Variants in SLC29A4 observed in about 807,000 individuals in gnomAD.
The protein encoded by SLC29A4 is equilibrative nucleoside transporter 4.
A neutral mutation model predicts 43.9 loss-of-function variants in SLC29A4; 36 were observed. That is an observed-to-expected ratio of 0.82 (90% CI 0.63 to 1.08). The LOEUF is 1.08. Ranked by LOEUF, SLC29A4 falls within the 50% of genes least tolerant of loss-of-function variation. The pLI, the probability that SLC29A4 is intolerant of heterozygous loss-of-function variation, is 0.00. For missense variants in SLC29A4, 869 were observed against 755.3 expected, an observed-to-expected ratio of 1.15 and a Z score of -1.77; for synonymous variants, 491 against 338.0, an observed-to-expected ratio of 1.45 and a Z score of -4.97.
chr7:5,300,934 C>A (rs1297353368), intron 10 of SLC29A4, among the ~76,000 whole-genome samples: 1 of 152,186 alleles, frequency 6.6e-6, no homozygotes, highest in Non-Finnish European at 1.5e-5. Flanking sequence ...AAACGGCGCT[C>A]CCCGTGCTGT....
In SLC29A4 at chr7:5,296,980, C is replaced by T. The variant is rs760410021; in HGVS notation, c.664C>T (p.Leu222=). The T allele has an allele frequency of 6.9e-6, 11 of 1,602,002 alleles. No homozygotes were observed. Among genetic ancestry groups the T allele is most frequent in the African/African-American group, 1.3e-5 (1 of 74,764 alleles). ...MISLSRILTK[L]LLPDERASTL... The stretch of plus-strand genomic sequence containing the variant: ...CTCTCTGAGCCGCATCCTCACGAAG[C>T]TGCTGCTGCCCGACGAGCGCGCCAG... The change falls in exon 7 of 11, where the codon CTG becomes TTG. Residue 222 remains leucine (L), a synonymous_variant. Transcript: ENST00000396872.
At chr7:5,284,594 G>C (rs982692063) in intron 1 of SLC29A4, among the ~76,000 whole-genome samples, 4 of 152,246 alleles carry the variant, frequency 2.6e-5, no homozygotes, top group African/African-American at 4.8e-5. Context: ...TTTAACTAAG[G>C]GGGGACAGGG....
intron 1 of SLC29A4, among the ~76,000 whole-genome samples, chr7:5,283,534 A>G (rs1000014827): frequency 9.2e-5 from 14 of 152,108 alleles, no homozygotes; most frequent in African/African-American, 2.9e-4. Flanking sequence ...CCGCGAGCCA[A>G]CTTTGCGGCT....
chr7:5,298,917 C>T (rs1248074363), intron 7 of SLC29A4, 71 bp from the exon 8 acceptor site: 3 of 1,541,690 alleles, frequency 1.9e-6, no homozygotes, highest in Admixed American at 1.8e-5. Context: ...TCTGATTGGG[C>T]CTGGATTCCT....
chr7:5,292,690 C>CTTTTTTTTTT (rs1056329272), intron 5 of SLC29A4, among the ~76,000 whole-genome samples: 2,517 of 67,470 alleles, frequency 0.037, 488 homozygotes, highest in Non-Finnish European at 0.051. Flanking sequence ...CATTTTTTTC[C>CTTTTTTTTTT]TTTTTTTTTT....
At chr7:5,293,162 CTTT>C (rs58758343) in intron 5 of SLC29A4, among the ~76,000 whole-genome samples, 1 of 117,272 alleles carries the variant, frequency 8.5e-6, no homozygotes, top group African/African-American at 3.7e-5. Context: ...TTTTTTTTCT[CTTT>C]TTTTTTTTTT....
chr7:5,296,213 C>T (rs1260591901), intron 6 of SLC29A4, among the ~76,000 whole-genome samples: 3 of 152,082 alleles, frequency 2.0e-5, no homozygotes, highest in African/African-American at 4.8e-5. Context: ...CTGCCCCCCA[C>T]CTCTGCGCGC....
chr7:5,294,506 C>T (rs1033959331), intron 5 of SLC29A4, among the ~76,000 whole-genome samples: 15 of 152,154 alleles, frequency 9.9e-5, no homozygotes, highest in African/African-American at 3.4e-4. Context: ...CATACGGTCT[C>T]TCAGGGCCTC....
intron 1 of SLC29A4, among the ~76,000 whole-genome samples, chr7:5,286,085 C>A (rs547995877): frequency 6.6e-6 from 1 of 152,252 alleles, no homozygotes; most frequent in East Asian, 1.9e-4. Flanking sequence ...CTTCTTCCAG[C>A]CTTTACCACG....
intron 5 of SLC29A4, among the ~76,000 whole-genome samples, chr7:5,294,340 C>T (rs1785505309): frequency 1.3e-5 from 2 of 152,142 alleles, no homozygotes; most frequent in African/African-American, 4.8e-5. Flanking sequence ...CTTCTATTTT[C>T]CCTAGATCCT....
At position 5,303,236 on chromosome 7, in the gene SLC29A4, C is replaced by T; in HGVS notation, c.*297C>T. 2.0e-6 allele frequency: 1 copy of T among 500,802 alleles called. No homozygotes were observed. 31.0% of individuals were successfully genotyped at this position (500,802 alleles called of 1,614,324 possible). On this transcript the variant is annotated 3_prime_UTR_variant, in exon 11 of 11. Coordinates refer to ENST00000396872, the MANE Select transcript of SLC29A4 (RefSeq NM_153247.4). Reference sequence around the variant, plus strand: ...TCCAGCGGCCCCGGCTCCAGCCCAGCCAGCACTCTGCAGGGTCACACGCAC... The same window carrying T: ...TCCAGCGGCCCCGGCTCCAGCCCAGTCAGCACTCTGCAGGGTCACACGCAC...
intron 6 of SLC29A4, 71 bp downstream of exon 6, chr7:5,295,005 ACT>A: frequency 7.4e-7 from 1 of 1,350,296 alleles, no homozygotes; most frequent in Non-Finnish European, 1.0e-6. Flanking sequence ...CTTCCCAGGG[ACT>A]CCCCATGATG....
chr7:5,286,094 C>T (rs774237278), intron 1 of SLC29A4, among the ~76,000 whole-genome samples: 29 of 152,166 alleles, frequency 1.9e-4, no homozygotes, highest in African/African-American at 4.6e-4. Context: ...GCCTTTACCA[C>T]GGCTCTCCTT....
intron 1 of SLC29A4, among the ~76,000 whole-genome samples, chr7:5,284,698 T>TG (rs1784851186): frequency 6.6e-6 from 1 of 151,800 alleles, no homozygotes; most frequent in East Asian, 1.9e-4. Context: ...CCAGGAAAGG[T>TG]GGGGGAGAGC....
In SLC29A4 at chr7:5,287,878, G is replaced by A; in HGVS notation, c.62G>A (p.Gly21Asp). The change falls in exon 2 of 11, where the codon GGC (glycine) becomes GAC (aspartate). Residue 21 changes from glycine (G) to aspartate (D), a missense_variant. Transcript: ENST00000396872. ...AGCGTGGCAGGCACACCAGACCCGGGCGTAGTGATGAGCTTCACCTTCGAC... is the reference window on the plus strand; with the variant it reads ...AGCGTGGCAGGCACACCAGACCCGGACGTAGTGATGAGCTTCACCTTCGAC... Reference protein sequence around the residue: ...EPSVAGTPDPGVVMSFTFDSH... With the variant: ...EPSVAGTPDPDVVMSFTFDSH... 1 of 1,612,006 alleles carries A rather than the reference G, an allele frequency of 6.2e-7. No individual in the cohort carries two copies. Among genetic ancestry groups the A allele is most frequent in the Non-Finnish European group, 8.5e-7 (1 of 1,179,856 alleles).
At chr7:5,296,147 G>A (rs1158717128) in intron 6 of SLC29A4, among the ~76,000 whole-genome samples, 2 of 152,108 alleles carry the variant, frequency 1.3e-5, no homozygotes, top group Non-Finnish European at 2.9e-5. Flanking sequence ...TGCACTCCCG[G>A]CCCTGTCCTG....
At chr7:5,289,814 C>T (rs1785190716) in intron 2 of SLC29A4, among the ~76,000 whole-genome samples, 1 of 152,108 alleles carries the variant, frequency 6.6e-6, no homozygotes, top group South Asian at 2.1e-4. Flanking sequence ...CCGGTACAAC[C>T]CCAGACATGC....
chr7:5,292,631 T>C (rs1423676835), intron 5 of SLC29A4, among the ~76,000 whole-genome samples: 1 of 151,364 alleles, frequency 6.6e-6, no homozygotes, highest in Non-Finnish European at 1.5e-5. Flanking sequence ...GTCATCACCT[T>C]TCTTGCCTAA....
At chr7:5,287,744 G>T (rs571571899) in intron 1 of SLC29A4, 65 bp from the exon 2 acceptor site, 5 of 1,522,390 alleles carry the variant, frequency 3.3e-6, no homozygotes, top group South Asian at 2.4e-5. Context: ...TTATGGGTCA[G>T]TGCATGAGCC....
Sources: allele counts gnomAD v4.1 joint callset (sites outside exome capture counted in the v4.1 genomes callset), GRCh38; gene constraint gnomAD v4.1.1; transcripts MANE v1.5; gene names NCBI Gene and HGNC (gene_info 2026-07-23, HGNC 2026-07-21).